The following DHX9 variants were observed in gnomAD, a reference collection of about 807,000 sequenced individuals.
DHX9 encodes the protein DExH-box helicase 9.
In DHX9, 27 loss-of-function variants were observed where a neutral mutation model predicts 148.7. That is an observed-to-expected ratio of 0.18 (90% CI 0.13 to 0.25). The LOEUF is 0.25. Among genes scored for constraint, DHX9 ranks in the 10% least tolerant of loss-of-function variants. The pLI is 1.00. For synonymous variants in DHX9, 529 were observed against 516.6 expected (o/e 1.02, Z -0.33); for missense variants, 796 against 1,559.6 (o/e 0.51, Z 8.25).
chr1:182,854,323 A>C (rs935564230), intron 6 of DHX9, 145 bp downstream of exon 6: 1 of 787,926 alleles, frequency 1.3e-6, no homozygotes, highest in Non-Finnish European at 1.9e-6. Flanking sequence ...AATTTGCACA[A>C]GAATAATTAT....
At chr1:182,870,293 C>T (rs1648503085) in intron 14 of DHX9, among the ~76,000 whole-genome samples, 1 of 152,104 alleles carries the variant, frequency 6.6e-6, no homozygotes, top group Non-Finnish European at 1.5e-5. Context: ...TAAGGTTTTC[C>T]ATATAACTTG....
At position 182,887,202 on chromosome 1, in the gene DHX9, A is replaced by G. The variant is rs369346979; in HGVS notation, c.3581A>G (p.Tyr1194Cys). The G allele has an allele frequency of 1.8e-5, 29 of 1,607,690 alleles. No individual in the cohort carries two copies. The highest frequency in any genetic ancestry group is 2.5e-5 in the Non-Finnish European group (29 of 1,174,384). Residue 1194 changes from tyrosine to cysteine, a missense_variant, in exon 28 of 28, where the codon TAT becomes TGT. Tyr to Cys is a radical substitution (Grantham distance 194, BLOSUM62 -2). This residue lies in a region of DHX9 where 98 missense variants were observed against 105.5 expected (regional missense o/e 0.93). Coordinates refer to ENST00000367549, the MANE Select transcript of DHX9 (RefSeq NM_001357.5). ...GYGGGYSSGG[Y>C]GSGGYGGSAN... Reference sequence around the variant, plus strand: ...GGCGGTGGCTATAGCAGTGGAGGCTATGGTAGCGGAGGCTATGGTGGCAGC... The same window carrying G: ...GGCGGTGGCTATAGCAGTGGAGGCTGTGGTAGCGGAGGCTATGGTGGCAGC...
At chr1:182,854,259 T>A in intron 6 of DHX9, 81 bp downstream of exon 6, 1 of 1,312,906 alleles carries the variant, frequency 7.6e-7, no homozygotes, top group Non-Finnish European at 1.0e-6. Flanking sequence ...TCTATTTTTG[T>A]ACGTTGTCTG....
At chr1:182,857,496 C>T (rs1668277155) in intron 7 of DHX9, among the ~76,000 whole-genome samples, 1 of 152,212 alleles carries the variant, frequency 6.6e-6, no homozygotes, top group South Asian at 2.1e-4. Flanking sequence ...GCTACACTCA[C>T]ATTTTAGACT....
chr1:182,870,903 A>T (rs1421787546), intron 14 of DHX9, among the ~76,000 whole-genome samples: 2 of 152,182 alleles, frequency 1.3e-5, no homozygotes, highest in Non-Finnish European at 2.9e-5. Context: ...GATATTTTGC[A>T]TTATTTTTCT....
intron 12 of DHX9, among the ~76,000 whole-genome samples, chr1:182,863,430 G>A (rs1312830430): frequency 1.3e-5 from 2 of 152,198 alleles, no homozygotes; most frequent in South Asian, 2.1e-4. Context: ...ACACAAATAC[G>A]ATTTCTAGAT....
intron 11 of DHX9, among the ~76,000 whole-genome samples, chr1:182,859,339 T>A (rs932736742): frequency 6.6e-6 from 1 of 152,200 alleles, no homozygotes; most frequent in African/African-American, 2.4e-5. Flanking sequence ...TGGAGAGATT[T>A]AAGGCAGTGA....
At chr1:182,875,571 T>A (rs1648722945) in intron 16 of DHX9, among the ~76,000 whole-genome samples, 3 of 152,182 alleles carry the variant, frequency 2.0e-5, no homozygotes, top group African/African-American at 2.4e-5. Context: ...AAATACAGAC[T>A]GAGACAGCCA....
In DHX9 at chr1:182,859,998, G is replaced by A; in HGVS notation, c.1146G>A (p.Leu382=). ...LEQDHDLQAI[L]QERELLPVKK... Reference sequence around the variant, plus strand: ...GTGTGACTTTTCTAATGCAGATCTTGCAGGAGAGAGAGTTACTGCCTGTGA... The same window carrying A: ...GTGTGACTTTTCTAATGCAGATCTTACAGGAGAGAGAGTTACTGCCTGTGA... The change falls in exon 12 of 28, where the codon TTG becomes TTA. Residue 382 remains leucine (L), a synonymous_variant. Transcript: ENST00000367549. 3.1e-6 allele frequency: 5 copies of A among 1,609,710 alleles called. No individual in the cohort carries two copies. Among genetic ancestry groups the A allele is most frequent in the Non-Finnish European group, 4.2e-6 (5 of 1,177,974 alleles).
intron 14 of DHX9, among the ~76,000 whole-genome samples, chr1:182,870,500 T>TA: frequency 6.6e-6 from 1 of 152,332 alleles, no homozygotes; most frequent in South Asian, 2.1e-4. Flanking sequence ...TGTTATATGT[T>TA]ACATGCAACA....
intron 20 of DHX9, 131 bp from the exon 21 acceptor site, chr1:182,879,118 TC>T (rs1648966443): frequency 1.5e-6 from 1 of 675,384 alleles, no homozygotes; most frequent in Admixed American, 3.1e-5. Flanking sequence ...CGATAAAAGG[TC>T]CGATGGTAAT....
At chr1:182,873,006 T>C (rs1272173731) in intron 15 of DHX9, among the ~76,000 whole-genome samples, 1 of 152,138 alleles carries the variant, frequency 6.6e-6, no homozygotes, top group Non-Finnish European at 1.5e-5. Flanking sequence ...CAGACTGGAG[T>C]GTAGTGGTGC....
intron 3 of DHX9, among the ~76,000 whole-genome samples, chr1:182,844,507 C>T (rs1273350851): frequency 6.6e-6 from 1 of 152,078 alleles, no homozygotes; most frequent in Admixed American, 6.6e-5. Context: ...CTACACTAGG[C>T]TCTAGTAGTT....
intron 17 of DHX9, 91 bp downstream of exon 17, chr1:182,876,354 TG>T: frequency 6.4e-7 from 1 of 1,562,534 alleles, no homozygotes; most frequent in Admixed American, 1.7e-5. Context: ...AATTTTGTAT[TG>T]TTTCTACTTT....
intron 27 of DHX9, among the ~76,000 whole-genome samples, 188 bp from the exon 28 acceptor site, chr1:182,886,895 G>C (rs1649354729): frequency 6.6e-6 from 1 of 152,194 alleles, no homozygotes; most frequent in Non-Finnish European, 1.5e-5. Context: ...CAGAACTTCA[G>C]AAAAACAGAT....
At chr1:182,864,558 A>C (rs544775098) in intron 12 of DHX9, among the ~76,000 whole-genome samples, 2 of 152,360 alleles carry the variant, frequency 1.3e-5, no homozygotes, top group East Asian at 3.9e-4. Context: ...TTTCTAGTCA[A>C]ATCAACTAGG....
chr1:182,868,366 C>G (rs1373979781), intron 14 of DHX9, among the ~76,000 whole-genome samples: 1 of 151,814 alleles, frequency 6.6e-6, no homozygotes, highest in Non-Finnish European at 1.5e-5. Flanking sequence ...TGGGAATTTC[C>G]AAATTTCAAG....
rs114860036 is a variant in DHX9, at chr1:182,846,681, A to G, written c.252+3247A>G. Among the ~76,000 whole-genome samples the G allele has an allele frequency of 2.3e-3, 348 of 152,126 alleles. 1 individual carries two copies. The highest frequency in any genetic ancestry group is 8.0e-3 in the African/African-American group (332 of 41,494). On this transcript the variant is annotated intron_variant, in intron 3 of 27. Coordinates refer to ENST00000367549, the MANE Select transcript of DHX9 (RefSeq NM_001357.5). ...TTTCCTGTTATTTTTGGTTTTTAGT[A>G]TTTTGTGTTGTGACCGGGCATGGGT...
Position 182,866,233 on chromosome 1 carries a change from T to A in DHX9, c.1333-211T>A, listed in dbSNP as rs189982762. Among the ~76,000 whole-genome samples the A allele has an allele frequency of 9.8e-5, 15 of 152,318 alleles. No homozygotes were observed. The East Asian group carries it at 2.9e-3, about 29-fold the overall frequency. ...ATACTATTTTAAGAGTTGGCGGCAATGACAAATTATAGAATCATTTTATAT... is the reference window on the plus strand; with the variant it reads ...ATACTATTTTAAGAGTTGGCGGCAAAGACAAATTATAGAATCATTTTATAT... On this transcript the variant is annotated intron_variant, in intron 12 of 27. Coordinates refer to ENST00000367549, the MANE Select transcript of DHX9 (RefSeq NM_001357.5).
Sources: gnomAD v4.1 joint callset for allele counts (sites outside exome capture counted in the v4.1 genomes callset) on GRCh38, gnomAD v4.1.1 for gene constraint, gnomAD v4.1.1 regional missense constraint, MANE v1.5 for transcripts, NCBI Gene and HGNC (gene_info 2026-07-23, HGNC 2026-07-21) for gene names.